TAF1: variants seen among roughly 807,000 people sequenced by gnomAD.
TAF1 encodes the protein TATA-box binding protein associated factor 1.
In TAF1, 2 loss-of-function variants were observed where a neutral mutation model predicts 138.5. The observed-to-expected ratio is 0.01, with a 90% CI of 0.01 to 0.05. The LOEUF is 0.05. TAF1 is among the 10% of genes least tolerant of loss of function. The pLI, the probability that TAF1 is intolerant of heterozygous loss-of-function variation, is 1.00. For synonymous variants in TAF1, 437 were observed against 503.2 expected (o/e 0.87, Z 1.76); for missense variants, 709 against 1,478.0 (o/e 0.48, Z 8.53).
chrX:71,503,705 C>T (rs1238185938), intron 13 of TAF1, among the ~76,000 whole-genome samples: 1 of 110,054 alleles, frequency 9.1e-6, no homozygotes, highest in Non-Finnish European at 1.9e-5. Context: ...GTGGCTGGTT[C>T]AACTTTTTTT....
chrX:71,457,015 C>T (rs894338382), intron 34 of TAF1, among the ~76,000 whole-genome samples: 3 of 111,757 alleles, frequency 2.7e-5, no homozygotes, highest in Non-Finnish European at 5.6e-5. Flanking sequence ...TGGATTGCAT[C>T]ATCTGTTCAG....
At chrX:71,406,601 A>G (rs1360822257) in intron 25 of TAF1, 37 bp from the exon 26 acceptor site, 1 of 1,158,738 alleles carries the variant, frequency 8.6e-7, no homozygotes, top group Non-Finnish European at 1.2e-6. Flanking sequence ...GGAACTAGAA[A>G]TAGGGGCTGT....
At position 71,465,808 on chromosome X, in the gene TAF1, T is replaced by TG. The variant is rs1165301773; in HGVS notation, c.*1763dup. On this transcript the variant is annotated 3_prime_UTR_variant, in exon 38 of 38. Coordinates refer to ENST00000423759, the MANE Select transcript of TAF1 (RefSeq NM_004606.5). Reference sequence around the variant, plus strand: ...GTTTATATGTGTTTATATATATACTTGTGTATGCAAAGGTAAAAGTCTGAA... The same window carrying TG: ...GTTTATATGTGTTTATATATATACTTGGTGTATGCAAAGGTAAAAGTCTGAA... 1 of 112,079 alleles carries TG rather than the reference T, an allele frequency of 8.9e-6. No homozygotes were observed. Among genetic ancestry groups the TG allele is most frequent in the Admixed American group, 9.5e-5 (1 of 10,475 alleles). The allele number at this position is 112,079 out of a possible 1,213,427, so 9.2% of individuals were successfully genotyped here.
intron 32 of TAF1, among the ~76,000 whole-genome samples, chrX:71,452,751 T>A (rs1254846909): frequency 2.7e-5 from 3 of 111,840 alleles, no homozygotes; most frequent in African/African-American, 9.7e-5. Context: ...ATCACGCCAC[T>A]GCACTCCAGC....
intron 3 of TAF1, among the ~76,000 whole-genome samples, chrX:71,371,125 G>A (rs1280576228): frequency 8.9e-6 from 1 of 111,805 alleles, no homozygotes; most frequent in East Asian, 2.8e-4. Flanking sequence ...GGGATGGTAA[G>A]GAAAAGGCTG....
intron 32 of TAF1, among the ~76,000 whole-genome samples, chrX:71,439,841 C>T (rs1235275491): frequency 8.9e-6 from 1 of 112,082 alleles, no homozygotes; most frequent in African/African-American, 3.2e-5. Context: ...GTGGGCTTCT[C>T]ACTCAGCTTC....
chrX:71,434,952 A>G (rs1333296755), intron 32 of TAF1, among the ~76,000 whole-genome samples: 2 of 112,787 alleles, frequency 1.8e-5, no homozygotes, highest in African/African-American at 3.2e-5. Context: ...TAAATTTGAA[A>G]TGAGCTACAC....
rs753654702 is a variant in TAF1, at chrX:71,438,765, G to A, written c.4753+14527G>A. Reference sequence around the variant, plus strand: ...ATCACCTGAGGTCAGGAGTTCGAGAGCAGCCTGGCCAACATGGTGAAACCC... The same window carrying A: ...ATCACCTGAGGTCAGGAGTTCGAGAACAGCCTGGCCAACATGGTGAAACCC... On this transcript the variant is annotated intron_variant, in intron 32 of 37. Coordinates refer to ENST00000423759, the MANE Select transcript of TAF1 (RefSeq NM_004606.5). Among the ~76,000 whole-genome samples, 3 of 111,729 alleles carry A rather than the reference G, an allele frequency of 2.7e-5. No individual in the cohort carries two copies. The East Asian group carries it at 8.5e-4, about 32-fold the overall frequency.
chrX:71,423,880 C>T (rs2036473228), intron 30 of TAF1, 94 bp from the exon 31 acceptor site: 1 of 696,482 alleles, frequency 1.4e-6, no homozygotes, highest in Non-Finnish European at 2.1e-6. Context: ...GAGTCCATAG[C>T]TTTTTTTAGG....
At position 71,465,522 on chromosome X, in the gene TAF1, G is replaced by C. The variant is rs757816917; in HGVS notation, c.*1476G>C. 1 of 111,843 alleles carries C rather than the reference G, an allele frequency of 8.9e-6. No homozygotes were observed. Among genetic ancestry groups the C allele is most frequent in the Non-Finnish European group, 1.9e-5 (1 of 53,201 alleles). The allele number at this position is 111,843 out of a possible 1,213,427, so 9.2% of individuals were successfully genotyped here. ...TTTGTTTGTACCTGCCTTGTTCCAG[G>C]AAGGATTTAATGTGGTTTATATTCC... On this transcript the variant is annotated 3_prime_UTR_variant, in exon 38 of 38. Transcript: ENST00000423759.
intron 13 of TAF1, among the ~76,000 whole-genome samples, chrX:71,509,980 A>AAAT (rs774800526): frequency 1.8e-5 from 2 of 109,389 alleles, no homozygotes; most frequent in Non-Finnish European, 3.8e-5. Context: ...CTCTGTCTCA[A>AAAT]AATAATAATA....
Position 71,392,456 on chromosome X carries a change from A to C in TAF1, c.2782-113A>C, listed in dbSNP as rs5981110. The C allele has an allele frequency of 0.019, 18,583 of 971,339 alleles. 1,254 individuals carry two copies. The African/African-American group carries it at 0.25, about 13-fold the overall frequency. The allele number at this position is 971,339 out of a possible 1,213,427, so 80.0% of individuals were successfully genotyped here. On this transcript the variant is annotated intron_variant, in intron 18 of 37. Coordinates refer to ENST00000423759, the MANE Select transcript of TAF1 (RefSeq NM_004606.5). ...AGAGCATGAACCCACAGAAATTAAA[A>C]ATTAGAAAAAAAGAACATGAAAATA... is the stretch of plus-strand genomic sequence containing the variant.
chrX:71,387,382 T>C lies in TAF1; in HGVS notation c.2348T>C (p.Val783Ala), dbSNP rs1221839779. 8.3e-7 allele frequency: 1 copy of C among 1,210,463 alleles called. No homozygotes were observed. The highest frequency in any genetic ancestry group is 1.7e-5 in the African/African-American group (1 of 57,288). Residue 783 changes from valine (V) to alanine (A), a missense_variant, in exon 15 of 38, where the codon GTT (valine) becomes GCT (alanine). Transcript: ENST00000423759. ...CGGGAATTAGTGGATATTTTTGTGG[T>C]TGGCCAGCAGTGTCCCTTGTTTGAA... ...YIRELVDIFV[V>A]GQQCPLFEVP...
At position 71,464,139 on chromosome X, in the gene TAF1, A is replaced by T; in HGVS notation, c.*93A>T. On this transcript the variant is annotated 3_prime_UTR_variant, in exon 38 of 38. Coordinates refer to ENST00000423759, the MANE Select transcript of TAF1 (RefSeq NM_004606.5). ...TTTGTTCATATTTGTACAGTATCTG[A>T]TCCTGAAATCATGAAATTAACTAAC... The T allele has an allele frequency of 1.2e-6, 1 of 810,672 alleles. No homozygotes were observed. Among genetic ancestry groups the T allele is most frequent in the East Asian group, 3.5e-5 (1 of 28,968 alleles). 66.8% of individuals were successfully genotyped at this position (810,672 alleles called of 1,213,427 possible). A position where few individuals can be genotyped will look rare whatever the true frequency, so the allele number is the denominator to read the frequency against.
chrX:71,469,642 TCCTC>T (rs2038843886), downstream of TAF1, among the ~76,000 whole-genome samples: 1 of 109,378 alleles, frequency 9.1e-6, no homozygotes, highest in South Asian at 4.2e-4. Flanking sequence ...GCTCAAGTGA[TCCTC>T]CCACCTCAAG....
intron 13 of TAF1, among the ~76,000 whole-genome samples, chrX:71,506,156 C>T (rs753848151): frequency 1.8e-4 from 20 of 108,433 alleles, no homozygotes; most frequent in Admixed American, 1.5e-3. Flanking sequence ...GCCGAGACCA[C>T]GCCATTGTAT....
chrX:71,424,983 T>C lies in TAF1; in HGVS notation c.4753+745T>C, dbSNP rs145371553. ...TGTGTATGTTCTATAAAGATTGCTA[T>C]TAGCCGTTAATGATGAAAAAGTAGT... On this transcript the variant is annotated intron_variant, in intron 32 of 37. Coordinates refer to ENST00000423759, the MANE Select transcript of TAF1 (RefSeq NM_004606.5). Among the ~76,000 whole-genome samples, 227 of 112,109 alleles carry C rather than the reference T, an allele frequency of 2.0e-3. 1 individual carries two copies. Among genetic ancestry groups the C allele is most frequent in the African/African-American group, 7.2e-3 (221 of 30,908 alleles).
intron 10 of TAF1, 32 bp downstream of exon 10, chrX:71,382,695 G>A (rs1393205200): frequency 8.3e-7 from 1 of 1,203,578 alleles, no homozygotes; most frequent in Admixed American, 2.3e-5. Flanking sequence ...TTGGTGTTTA[G>A]AAGAACAAAG....
At chrX:71,434,343 ATTAAAG>A (rs2037036651) in intron 32 of TAF1, among the ~76,000 whole-genome samples, 3 of 112,668 alleles carry the variant, frequency 2.7e-5, no homozygotes, top group Admixed American at 9.4e-5. Context: ...TTTTGTTAGT[ATTAAAG>A]TTAATCTAAA....
Sources: gnomAD v4.1 joint callset for allele counts (sites outside exome capture counted in the v4.1 genomes callset) on GRCh38, gnomAD v4.1.1 for gene constraint, MANE v1.5 for transcripts, NCBI Gene and HGNC (gene_info 2026-07-23, HGNC 2026-07-21) for gene names.